The following PARP4 variants were observed in gnomAD, a reference collection of about 807,000 sequenced individuals.
The protein encoded by PARP4 is poly(ADP-ribose) polymerase family member 4, also known as protein mono-ADP-ribosyltransferase PARP4.
A neutral mutation model predicts 187.7 loss-of-function variants in PARP4; 120 were observed. That is an observed-to-expected ratio of 0.64 (90% CI 0.55 to 0.74). PARP4 has a LOEUF of 0.74. PARP4 is among the 30% of genes least tolerant of loss of function. The pLI is 0.00. For missense variants in PARP4, 1,836 were observed against 2,070.5 expected (o/e 0.89, Z 2.20); for synonymous variants, 654 against 740.9 (o/e 0.88, Z 1.90).
chr13:24,427,980 T>C (rs1317039043), intron 32 of PARP4, among the ~76,000 whole-genome samples: 1 of 152,064 alleles, frequency 6.6e-6, no homozygotes, highest in East Asian at 1.9e-4. Context: ...TGTATCAGCG[T>C]CATTTAAAAA....
At chr13:24,498,503 C>T (rs572393904) in intron 5 of PARP4, among the ~76,000 whole-genome samples, 1 of 152,138 alleles carries the variant, frequency 6.6e-6, no homozygotes, top group South Asian at 2.1e-4. Context: ...TTTTCCTTAT[C>T]AAAGAGGGAA....
intron 11 of PARP4, among the ~76,000 whole-genome samples, chr13:24,485,312 T>C (rs1440272451): frequency 6.6e-6 from 1 of 152,198 alleles, no homozygotes; most frequent in Non-Finnish European, 1.5e-5. Flanking sequence ...TCCAGAATTA[T>C]TCTGGTAATT....
At chr13:24,435,816 T>C (rs555534729) in intron 30 of PARP4, among the ~76,000 whole-genome samples, 14 of 150,908 alleles carry the variant, frequency 9.3e-5, no homozygotes, top group Non-Finnish European at 1.6e-4. Flanking sequence ...CCTGGGAGGC[T>C]GAGGCAGGAG....
chr13:24,450,964 C>T (rs1164043636), intron 24 of PARP4, among the ~76,000 whole-genome samples: 1 of 152,190 alleles, frequency 6.6e-6, no homozygotes, highest in Non-Finnish European at 1.5e-5. Flanking sequence ...CAGCCTTGAC[C>T]TCCTGGGCTG....
At chr13:24,466,565 C>A (rs577001052) in intron 17 of PARP4, among the ~76,000 whole-genome samples, 212 of 152,068 alleles carry the variant, frequency 1.4e-3, no homozygotes, top group Non-Finnish European at 2.3e-3. Context: ...GAGGCAGAGG[C>A]AGGAGAATCA....
chr13:24,476,821 G>T (rs1438304661), intron 14 of PARP4, among the ~76,000 whole-genome samples: 1 of 152,136 alleles, frequency 6.6e-6, no homozygotes, highest in African/African-American at 2.4e-5. Context: ...CACTACTATG[G>T]CTAACACACG....
In PARP4 at chr13:24,492,513, T is replaced by C. The variant is rs1868715691; in HGVS notation, c.961A>G (p.Met321Val). 6.2e-7 allele frequency: 1 copy of C among 1,614,054 alleles called. No homozygotes were observed. ...GETAEQLQKM[M>V]TEFYRLIPHK... ...GGTATCAGTCTGTAAAACTCTGTCA[T>C]CATCTTTTGCAATTGCTCTGCTGTT... The change falls in exon 9 of 34, where the codon ATG (methionine) becomes GTG (valine). Residue 321 changes from methionine to valine, a missense_variant. Met to Val is a conservative substitution (Grantham distance 21, BLOSUM62 1). Around this residue, in one of 8 missense-constraint regions of PARP4, gnomAD observed 1,147 missense variants for 1,214.2 expected, o/e 0.94. Coordinates refer to ENST00000381989, the MANE Select transcript of PARP4 (RefSeq NM_006437.4).
At chr13:24,508,404 T>C (rs1029428178) in intron 1 of PARP4, among the ~76,000 whole-genome samples, 3 of 151,972 alleles carry the variant, frequency 2.0e-5, no homozygotes, top group Non-Finnish European at 4.4e-5. Flanking sequence ...ATTTGAAAAA[T>C]ACAGAATTGT....
intron 30 of PARP4, among the ~76,000 whole-genome samples, chr13:24,440,922 G>C (rs1180044967): frequency 2.6e-5 from 4 of 152,186 alleles, no homozygotes; most frequent in African/African-American, 9.7e-5. Flanking sequence ...ACTAAGGCTG[G>C]AGTGTAGGGG....
At chr13:24,449,912 G>C (rs1469389557) in intron 24 of PARP4, 95 bp from the exon 25 acceptor site, 1 of 666,866 alleles carries the variant, frequency 1.5e-6, no homozygotes, top group African/African-American at 1.9e-5. Context: ...CTCAATAGGA[G>C]AGACATGACG....
rs749476830 is a variant in PARP4 at position 24,493,677 on chromosome 13, T to C, written c.798A>G (p.Leu266=). The change falls in exon 8 of 34, where the codon TTA becomes TTG. Residue 266 remains leucine, a synonymous_variant. Coordinates refer to ENST00000381989, the MANE Select transcript of PARP4 (RefSeq NM_006437.4). The part of the protein sequence containing the change: ...SSTLSQEVSD[L]VEMIWAEALG... Reference sequence around the variant, plus strand: ...GGGCCTCTGCCCAAATCATCTCTACTAAATCGCTCACCTCTTGGCTCAGAG... The same window carrying C: ...GGGCCTCTGCCCAAATCATCTCTACCAAATCGCTCACCTCTTGGCTCAGAG... 2.5e-6 allele frequency: 4 copies of C among 1,614,084 alleles called. No homozygotes were observed. In the East Asian group the frequency reaches 8.9e-5, roughly 36 times the overall value.
At chr13:24,477,340 C>G (rs922886957) in intron 14 of PARP4, among the ~76,000 whole-genome samples, 5 of 151,966 alleles carry the variant, frequency 3.3e-5, no homozygotes, top group African/African-American at 1.2e-4. Flanking sequence ...GGATGGTAGT[C>G]CTAGCTACTC....
At chr13:24,453,246 C>T (rs1037024318) in intron 23 of PARP4, among the ~76,000 whole-genome samples, 1 of 150,946 alleles carries the variant, frequency 6.6e-6, no homozygotes, top group Non-Finnish European at 1.5e-5. Flanking sequence ...TTTCTTTTTT[C>T]TTTCTTTCTT....
chr13:24,501,771 T>C lies in PARP4; in HGVS notation c.196A>G (p.Lys66Glu). 1.2e-6 allele frequency: 2 copies of C among 1,612,990 alleles called. No homozygotes were observed. The highest frequency in any genetic ancestry group is 2.7e-5 in the African/African-American group (2 of 75,022). Residue 66 changes from lysine to glutamate, a missense_variant, in exon 3 of 34, where the codon AAG (lysine) becomes GAG (glutamate). Lys to Glu is a moderately conservative substitution (Grantham distance 56). Transcript: ENST00000381989. Reference protein sequence around the residue: ...LSQYQLNSIQKNHVHIANPDF... With the variant: ...LSQYQLNSIQENHVHIANPDF... ...GGGTTTGCAATATGAACGTGGTTCT[T>C]TTGGATAGAATTCAGTTGGTACTGA...
In PARP4 at chr13:24,434,619, G is replaced by C; in HGVS notation, c.4522C>G (p.Leu1508Val). The change falls in exon 31 of 34, where the codon CTC becomes GTC. Residue 1508 changes from leucine (L) to valine (V), a missense_variant. Leu to Val is a conservative substitution (Grantham distance 32). Transcript: ENST00000381989. The stretch of plus-strand genomic sequence containing the variant: ...AAGACAGGACATCGACTTCCTTCGA[G>C]ACTGCCTACTGATTCTTCTAGAAGA... ...LCLLEESVGS[L>V]EGSRCPVFAF... 1 of 1,612,030 alleles carries C rather than the reference G, an allele frequency of 6.2e-7. No individual in the cohort carries two copies.
At chr13:24,499,774 G>A (rs539931892) in intron 4 of PARP4, among the ~76,000 whole-genome samples, 1 of 152,132 alleles carries the variant, frequency 6.6e-6, no homozygotes. Flanking sequence ...CTAAAATAAA[G>A]GAGTCAGACT....
In PARP4 at chr13:24,442,640, C is replaced by A. The variant is rs1176843546; in HGVS notation, c.3493G>T (p.Glu1165Ter). 4 of 1,600,796 alleles carry A rather than the reference C, an allele frequency of 2.5e-6. No individual in the cohort carries two copies. The African/African-American group carries it at 5.4e-5, about 21-fold the overall frequency. ...GTAAATTGTGTTATGAGAGAGTTTT[C>A]TTTACTGAGTTTAATAATCAGAGAT... ...LKSLIIKLSK[E>*]NSLITQFTSF... Residue 1165 changes from glutamate (E) to a stop codon, truncating the protein, a stop_gained, in exon 29 of 34, where the codon GAA (glutamate) becomes TAA (stop). Transcript: ENST00000381989. LOFTEE classifies it high-confidence loss of function.
Position 24,477,725 on chromosome 13 carries a change from A to G in PARP4, c.1765T>C (p.Phe589Leu), listed in dbSNP as rs776339768. Residue 589 changes from phenylalanine (F) to leucine (L), a missense_variant, in exon 14 of 34, where the codon TTT becomes CTT. By Grantham distance (22) the Phe-to-Leu change is conservative. Around this residue, in one of 8 missense-constraint regions of PARP4, gnomAD observed 1,147 missense variants for 1,214.2 expected, o/e 0.94. Transcript: ENST00000381989. ...HTELEEYRPEFSNFSKVEDYQ... is the reference protein window; with the variant it reads ...HTELEEYRPELSNFSKVEDYQ... ...CCTTCAACCTTTGAAAAATTTGAAA[A>G]CTCAGGTCTGTATTCCTCTAATTCA... 6.9e-5 allele frequency: 110 copies of G among 1,586,972 alleles called. No homozygotes were observed. Among genetic ancestry groups the G allele is most frequent in the Non-Finnish European group, 9.4e-5 (110 of 1,166,522 alleles).
intron 16 of PARP4, 118 bp downstream of exon 16, chr13:24,469,776 T>G (rs1287092038): frequency 5.2e-5 from 56 of 1,067,816 alleles, no homozygotes; most frequent in Middle Eastern, 5.7e-4. Flanking sequence ...ATATTCTCGT[T>G]TTATGATAAG....
Sources: allele counts gnomAD v4.1 joint callset (sites outside exome capture counted in the v4.1 genomes callset), GRCh38; gene constraint gnomAD v4.1.1; regional missense constraint gnomAD v4.1.1; transcripts MANE v1.5; gene names NCBI Gene and HGNC (gene_info 2026-07-23, HGNC 2026-07-21).